The following TRIOBP variants were observed in gnomAD, a reference collection of about 807,000 sequenced individuals.
TRIOBP encodes the protein TRIO and F-actin binding protein, also known as TRIO and F-actin-binding protein.
TRIOBP carries 169 observed loss-of-function variants against 238.8 expected under a neutral mutation model. The ratio of observed to expected loss-of-function variants is 0.71; its 90% CI spans 0.62 to 0.80. TRIOBP has a LOEUF of 0.80. Ranked by LOEUF, TRIOBP falls within the 30% of genes least tolerant of loss-of-function variation. TRIOBP has a pLI of 0.00. For missense variants in TRIOBP, 2,838 were observed against 3,122.6 expected (o/e 0.91, Z 2.17); for synonymous variants, 1,150 against 1,274.4 (o/e 0.90, Z 2.08).
chr22:37,772,791 G>T (rs1339527482), intron 23 of TRIOBP, 27 bp downstream of exon 23: 1 of 1,607,204 alleles, frequency 6.2e-7, no homozygotes, highest in South Asian at 1.1e-5. Flanking sequence ...GTGCCCTGCA[G>T]GGTGGGCAGG....
chr22:37,699,243 G>A (rs1031164385), intron 2 of TRIOBP, among the ~76,000 whole-genome samples: 8 of 152,162 alleles, frequency 5.3e-5, no homozygotes, highest in South Asian at 2.1e-4. Context: ...GGCTGTTCAC[G>A]TTTGTCAAAG....
rs1346236077 is a variant in TRIOBP, at chr22:37,723,244, G to A, written c.688G>A (p.Gly230Arg). 6.8e-6 allele frequency: 11 copies of A among 1,613,972 alleles called. No homozygotes were observed. Among genetic ancestry groups the A allele is most frequent in the Admixed American group, 3.3e-5 (2 of 60,002 alleles). Residue 230 changes from glycine (G) to arginine (R), a missense_variant, in exon 7 of 24, where the codon GGG (glycine) becomes AGG (arginine). Physicochemically the swap from Gly to Arg is moderately radical, Grantham distance 125. This residue lies in a region of TRIOBP where 535 missense variants were observed against 537.3 expected (regional missense o/e 1.00). Coordinates refer to ENST00000644935, the MANE Select transcript of TRIOBP (RefSeq NM_001039141.3). Reference sequence around the variant, plus strand: ...CTGGGCAAGGCTCCGGGGAGAAAGCGGGTTGTCCCTGGAGCGGCACCGGTC... The same window carrying A: ...CTGGGCAAGGCTCCGGGGAGAAAGCAGGTTGTCCCTGGAGCGGCACCGGTC... ...QHWARLRGES[G>R]LSLERHRSTL...
chr22:37,719,989 C>CACACTGCACTCA (rs367687004), intron 6 of TRIOBP, among the ~76,000 whole-genome samples: 9 of 71,252 alleles, frequency 1.3e-4, no homozygotes, highest in South Asian at 6.2e-4. Flanking sequence ...TTTCACTCAT[C>CACACTGCACTCA]CCCCCCCGCC....
chr22:37,740,836 C>T, intron 10 of TRIOBP, 59 bp from the exon 11 acceptor site: 1 of 1,551,332 alleles, frequency 6.4e-7, no homozygotes, highest in African/African-American at 1.4e-5. Flanking sequence ...AGGCTGTAGC[C>T]AGGGGTGCCC....
At position 37,701,383 on chromosome 22, in the gene TRIOBP, G is replaced by A; in HGVS notation, c.18G>A (p.Gly6=). Residue 6 remains glycine, a synonymous_variant, in exon 3 of 24, where the codon GGG becomes GGA. Transcript: ENST00000644935. Reference sequence around the variant, plus strand: ...CACCCAATATGGAGGAGGTGCCTGGGGATGCCCTGTGTGAACACTTTGAGG... The same window carrying A: ...CACCCAATATGGAGGAGGTGCCTGGAGATGCCCTGTGTGAACACTTTGAGG... MEEVP[G]DALCEHFEAN... 1 of 1,613,484 alleles carries A rather than the reference G, an allele frequency of 6.2e-7. No individual in the cohort carries two copies. The highest frequency in any genetic ancestry group is 8.5e-7 in the Non-Finnish European group (1 of 1,179,848).
intron 6 of TRIOBP, among the ~76,000 whole-genome samples, chr22:37,721,024 ATTT>A (rs11312598): frequency 9.0e-5 from 12 of 133,314 alleles, no homozygotes; most frequent in African/African-American, 8.6e-5. Context: ...CATCCGGCTA[ATTT>A]TTTTTTTTTT....
chr22:37,719,589 G>A (rs1380625693), intron 6 of TRIOBP, among the ~76,000 whole-genome samples: 1 of 152,128 alleles, frequency 6.6e-6, no homozygotes, highest in Non-Finnish European at 1.5e-5. Flanking sequence ...AGGCAGCAAT[G>A]AGAACAGCAG....
chr22:37,705,135 G>A (rs1307367385), intron 3 of TRIOBP, among the ~76,000 whole-genome samples: 8 of 151,932 alleles, frequency 5.3e-5, no homozygotes, highest in East Asian at 3.9e-4. Flanking sequence ...AGCACTTTAC[G>A]AGGCCGAGAC....
chr22:37,710,217 C>G (rs1466985020), intron 3 of TRIOBP, among the ~76,000 whole-genome samples: 1 of 152,248 alleles, frequency 6.6e-6, no homozygotes, highest in Non-Finnish European at 1.5e-5. Flanking sequence ...TATGTGTACA[C>G]TCACGTGTGC....
At position 37,713,312 on chromosome 22, in the gene TRIOBP, C is replaced by G; in HGVS notation, c.357C>G (p.Thr119=). 1.2e-6 allele frequency: 2 copies of G among 1,614,066 alleles called. No individual in the cohort carries two copies. Among genetic ancestry groups the G allele is most frequent in the African/African-American group, 1.3e-5 (1 of 75,050 alleles). The change falls in exon 5 of 24, where the codon ACC becomes ACG. Residue 119 remains threonine, a synonymous_variant. Transcript: ENST00000644935. ...LEAVPYLEGL[T]TSLCGSCNED... ...CAGTACCCTATCTGGAGGGCCTGACCACTTCCTTGTGTGGCAGCTGCAACG... is the reference window on the plus strand; with the variant it reads ...CAGTACCCTATCTGGAGGGCCTGACGACTTCCTTGTGTGGCAGCTGCAACG...
intron 17 of TRIOBP, chr22:37,759,579 C>T: frequency 1.9e-6 from 3 of 1,588,722 alleles, no homozygotes; most frequent in South Asian, 2.2e-5. Flanking sequence ...GTGTGACACT[C>T]TGCACTTGGA....
rs939449093 is a variant in TRIOBP at position 37,703,115 on chromosome 22, C to A, written c.114+1636C>A. Among the ~76,000 whole-genome samples, 11 of 152,186 alleles carry A rather than the reference C, an allele frequency of 7.2e-5. No homozygotes were observed. In the Middle Eastern group the frequency reaches 0.017, roughly 235 times the overall value. On this transcript the variant is annotated intron_variant, in intron 3 of 23. Transcript: ENST00000644935. The stretch of plus-strand genomic sequence containing the variant: ...GGTTCAAGCAATTCTCCTGCCTCAG[C>A]CTCCTGAGTACCTGGGATTACAGGT...
At chr22:37,747,534 TC>T (rs2145857189) in intron 11 of TRIOBP, among the ~76,000 whole-genome samples, 1 of 152,298 alleles carries the variant, frequency 6.6e-6, no homozygotes, top group East Asian at 1.9e-4. Context: ...GGCCTGGACT[TC>T]CTCGGCGTCC....
intron 17 of TRIOBP, among the ~76,000 whole-genome samples, chr22:37,762,192 TGAGTAG>T (rs1436712906): frequency 6.6e-6 from 1 of 152,158 alleles, no homozygotes; most frequent in African/African-American, 2.4e-5. Context: ...CTCAGCCTCC[TGAGTAG>T]GAACCACAGG....
intron 3 of TRIOBP, among the ~76,000 whole-genome samples, chr22:37,704,092 T>G (rs1922800172): frequency 6.6e-6 from 1 of 152,102 alleles, no homozygotes; most frequent in African/African-American, 2.4e-5. Flanking sequence ...GAAATCATGA[T>G]AAATCAGAAA....
chr22:37,771,660 G>T lies in TRIOBP; in HGVS notation c.6860G>T (p.Arg2287Leu). The T allele has an allele frequency of 6.2e-7, 1 of 1,613,998 alleles. No individual in the cohort carries two copies. Among genetic ancestry groups the T allele is most frequent in the Non-Finnish European group, 8.5e-7 (1 of 1,179,982 alleles). ...CACCTATATCCCCAGGTGCTGCTTC[G>T]CGTAAAAGAAAACGAACTCCAGTAC... Reference protein sequence around the residue: ...RSSCELEVLLRVKENELQYLK... With the variant: ...RSSCELEVLLLVKENELQYLK... The change falls in exon 22 of 24, where the codon CGC becomes CTC. Residue 2287 changes from arginine (R) to leucine (L), a missense_variant. Arg to Leu is a moderately radical substitution (Grantham distance 102, BLOSUM62 -2). This residue lies in a region of TRIOBP where 2,096 missense variants were observed against 2,137.4 expected (regional missense o/e 0.98). Transcript: ENST00000644935.
intron 17 of TRIOBP, among the ~76,000 whole-genome samples, chr22:37,761,137 T>G (rs1282568006): frequency 6.6e-6 from 1 of 152,018 alleles, no homozygotes; most frequent in African/African-American, 2.4e-5. Context: ...TGTGGATGCC[T>G]CCAGTGCTGA....
At chr22:37,762,276 G>A (rs911016502) in intron 17 of TRIOBP, among the ~76,000 whole-genome samples, 1 of 152,038 alleles carries the variant, frequency 6.6e-6, no homozygotes, top group African/African-American at 2.4e-5. Context: ...ATGTTCCCTG[G>A]GCTGGTCTTG....
At chr22:37,697,886 G>A (rs577892141) in intron 2 of TRIOBP, among the ~76,000 whole-genome samples, 190 bp downstream of exon 2, 6 of 152,086 alleles carry the variant, frequency 3.9e-5, no homozygotes, top group Non-Finnish European at 8.8e-5. Flanking sequence ...CACCCAGAAA[G>A]GAGAACCCTT....
Sources: gnomAD v4.1 joint callset for allele counts (sites outside exome capture counted in the v4.1 genomes callset) on GRCh38, gnomAD v4.1.1 for gene constraint, gnomAD v4.1.1 regional missense constraint, MANE v1.5 for transcripts, NCBI Gene and HGNC (gene_info 2026-07-23, HGNC 2026-07-21) for gene names.